Variants in INVS observed in about 807,000 individuals in gnomAD.
INVS encodes the protein inversion of embryo turning homolog.
Under a neutral mutation model 108.8 loss-of-function variants are expected in INVS, and 86 were observed. The ratio of observed to expected loss-of-function variants is 0.79; its 90% CI spans 0.66 to 0.95. INVS has a LOEUF of 0.95. Among genes scored for constraint, INVS ranks in the 40% least tolerant of loss-of-function variants. INVS has a pLI of 0.00. For synonymous variants in INVS, 455 were observed against 473.5 expected, an observed-to-expected ratio of 0.96 and a Z score of 0.51; for missense variants, 1,169 against 1,297.4, an observed-to-expected ratio of 0.90 and a Z score of 1.52.
intron 3 of INVS, among the ~76,000 whole-genome samples, chr9:100,211,786 G>A (rs1830838978): frequency 6.6e-6 from 1 of 152,184 alleles, no homozygotes; most frequent in African/African-American, 2.4e-5. Flanking sequence ...CCAGATGGAT[G>A]AACATCTTAA....
At position 100,296,997 on chromosome 9, in the gene INVS, A is replaced by G. The variant is rs1833810363; in HGVS notation, c.2867A>G (p.Glu956Gly). Residue 956 changes from glutamate to glycine, a missense_variant, in exon 15 of 17, where the codon GAG becomes GGG. Glu to Gly is a moderately conservative substitution (Grantham distance 98). Coordinates refer to ENST00000262457, the MANE Select transcript of INVS (RefSeq NM_014425.5). Reference sequence around the variant, plus strand: ...GGAGATGTGGACAGATGGAGGCAAGAGTCTACAGCATTGCTCCTCCAGGTT... The same window carrying G: ...GGAGATGTGGACAGATGGAGGCAAGGGTCTACAGCATTGCTCCTCCAGGTT... ...GAGDVDRWRQ[E>G]STALLLQVWR... The G allele has an allele frequency of 6.2e-7, 1 of 1,614,112 alleles. No individual in the cohort carries two copies. The highest frequency in any genetic ancestry group is 1.7e-5 in the Admixed American group (1 of 60,020).
chr9:100,100,730 AAT>A lies in INVS; in HGVS notation c.-25+1323_-25+1324del, dbSNP rs1335393792. Among the ~76,000 whole-genome samples the A allele has an allele frequency of 2.7e-4, 11 of 40,880 alleles. 1 individual carries two copies. The highest frequency in any genetic ancestry group is 1.1e-3 in the African/African-American group (6 of 5,436). The allele number at this position is 40,880 out of a possible 152,430, so 26.8% of individuals were successfully genotyped here. A position where few individuals can be genotyped will look rare whatever the true frequency, so the allele number is the denominator to read the frequency against. ...TAATATATATATTATATGTACATAT[AAT>A]ATATATATTATATGTACATATAATA... On this transcript the variant is annotated intron_variant, in intron 1 of 16. Transcript: ENST00000262457.
chr9:100,259,557 C>T (rs1173763811), intron 10 of INVS, among the ~76,000 whole-genome samples: 37 of 132,974 alleles, frequency 2.8e-4, no homozygotes, highest in Non-Finnish European at 4.6e-4. Context: ...GAACTGGGGC[C>T]TTTTTTTTTT....
chr9:100,267,311 A>G (rs912789469), intron 11 of INVS, among the ~76,000 whole-genome samples: 9 of 152,204 alleles, frequency 5.9e-5, no homozygotes, highest in Non-Finnish European at 1.3e-4. Context: ...TTGCCAAACT[A>G]TAGATAAAAA....
chr9:100,154,404 T>G (rs1044944683), intron 3 of INVS, among the ~76,000 whole-genome samples: 2 of 144,612 alleles, frequency 1.4e-5, no homozygotes, highest in Non-Finnish European at 3.0e-5. Flanking sequence ...GTCTCAAACT[T>G]GGGCTCAAGC....
chr9:100,109,477 T>G (rs563445433), intron 2 of INVS, among the ~76,000 whole-genome samples: 17 of 152,208 alleles, frequency 1.1e-4, no homozygotes, highest in African/African-American at 3.6e-4. Flanking sequence ...TTGTGAAAAC[T>G]AAACAAAATA....
rs1196026624 is a variant in INVS at position 100,100,597 on chromosome 9, TACATATA to T, written c.-25+1183_-25+1189del. Reference sequence around the variant, plus strand: ...ATATATATAATATATATAATATATGTACATATAATATATATAATATATGTATATATAA... The same window carrying T: ...ATATATATAATATATATAATATATGTATATATATAATATATGTATATATAA... On this transcript the variant is annotated intron_variant, in intron 1 of 16. Coordinates refer to ENST00000262457, the MANE Select transcript of INVS (RefSeq NM_014425.5). 1.1e-4 allele frequency among the ~76,000 whole-genome samples: 10 copies of T among 90,960 alleles called. 1 individual carries two copies. The highest frequency in any genetic ancestry group is 8.3e-4 in the South Asian group (3 of 3,624). 59.7% of individuals were successfully genotyped at this position (90,960 alleles called of 152,430 possible). A position where few individuals can be genotyped will look rare whatever the true frequency, so the allele number is the denominator to read the frequency against.
chr9:100,126,192 T>C (rs529789411), intron 2 of INVS, among the ~76,000 whole-genome samples, 191 bp from the exon 3 acceptor site: 1 of 152,362 alleles, frequency 6.6e-6, no homozygotes, highest in East Asian at 1.9e-4. Flanking sequence ...CATAGACTGG[T>C]TACTTAACTT....
intron 7 of INVS, among the ~76,000 whole-genome samples, chr9:100,246,184 G>GGAAA (rs956535329): frequency 2.1e-4 from 32 of 150,152 alleles, no homozygotes; most frequent in Non-Finnish European, 3.4e-4. Flanking sequence ...AAGAAAAGAA[G>GGAAA]GAAAGAAAGA....
intron 9 of INVS, 66 bp from the exon 10 acceptor site, chr9:100,252,841 T>C: frequency 7.3e-6 from 8 of 1,090,412 alleles, no homozygotes; most frequent in Non-Finnish European, 1.1e-5. Context: ...TTGTTTTTTC[T>C]ACTCCTACTC....
chr9:100,126,850 G>C (rs903590132), intron 3 of INVS, among the ~76,000 whole-genome samples: 1 of 151,718 alleles, frequency 6.6e-6, no homozygotes, highest in African/African-American at 2.4e-5. Flanking sequence ...CTATGTATAG[G>C]GAAAAAATAA....
intron 2 of INVS, among the ~76,000 whole-genome samples, chr9:100,122,650 T>A (rs1490539219): frequency 1.4e-5 from 2 of 144,956 alleles, no homozygotes; most frequent in Non-Finnish European, 3.0e-5. Context: ...GTGGCACGAT[T>A]TCGGCTTACT....
chr9:100,141,465 T>C (rs983787005), intron 3 of INVS, among the ~76,000 whole-genome samples: 2 of 152,028 alleles, frequency 1.3e-5, no homozygotes, highest in Non-Finnish European at 2.9e-5. Flanking sequence ...ATTTGACTAA[T>C]AAAGGCCGGT....
chr9:100,210,309 A>G (rs903364006), intron 3 of INVS, among the ~76,000 whole-genome samples: 28 of 152,222 alleles, frequency 1.8e-4, no homozygotes, highest in Non-Finnish European at 3.2e-4. Context: ...TTGGCTTCAG[A>G]ATATGCATAT....
intron 3 of INVS, among the ~76,000 whole-genome samples, chr9:100,161,385 A>AC (rs1166664866): frequency 4.0e-5 from 6 of 151,404 alleles, no homozygotes; most frequent in African/African-American, 1.2e-4. Flanking sequence ...AAAAAAAAAA[A>AC]AAAAAAACCT....
intron 3 of INVS, among the ~76,000 whole-genome samples, chr9:100,192,993 T>G (rs1830269785): frequency 6.6e-6 from 1 of 151,854 alleles, no homozygotes; most frequent in Admixed American, 6.6e-5. Flanking sequence ...TTTTTTTTTT[T>G]TCTGATACAG....
intron 5 of INVS, among the ~76,000 whole-genome samples, chr9:100,230,363 T>C (rs761818789): frequency 5.9e-5 from 9 of 152,210 alleles, no homozygotes; most frequent in African/African-American, 9.6e-5. Flanking sequence ...CTGATTTCCA[T>C]TACCACATTT....
chr9:100,129,877 T>C (rs1828006760), intron 3 of INVS: 3 of 455,050 alleles, frequency 6.6e-6, no homozygotes, highest in Non-Finnish European at 1.2e-5. Flanking sequence ...GAGATAATAG[T>C]GGCTGGAACT....
intron 3 of INVS, among the ~76,000 whole-genome samples, chr9:100,157,139 G>T (rs1014306941): frequency 4.6e-5 from 7 of 151,232 alleles, no homozygotes; most frequent in Non-Finnish European, 8.8e-5. Flanking sequence ...AAAAAAGCTA[G>T]CTGCAGAAGA....
Sources: gnomAD v4.1 joint callset for allele counts (sites outside exome capture counted in the v4.1 genomes callset) on GRCh38, gnomAD v4.1.1 for gene constraint, MANE v1.5 for transcripts, NCBI Gene and HGNC (gene_info 2026-07-23, HGNC 2026-07-21) for gene names.